Variants in LRP1B observed in about 807,000 individuals in gnomAD.
The protein encoded by LRP1B is low-density lipoprotein receptor-related protein 1B.
Under a neutral mutation model 556.6 loss-of-function variants are expected in LRP1B, and 217 were observed. That is an observed-to-expected ratio of 0.39 (90% CI 0.35 to 0.44). The LOEUF (loss-of-function observed/expected upper bound fraction) is 0.44, where lower values mean the gene tolerates loss of function less well. LRP1B is among the 20% of genes least tolerant of loss of function. LRP1B has a pLI of 1.00. For missense variants in LRP1B, 5,053 were observed against 5,620.8 expected, an observed-to-expected ratio of 0.90 and a Z score of 3.23; for synonymous variants, 2,047 against 1,865.8, an observed-to-expected ratio of 1.10 and a Z score of -2.50.
chr2:140,410,570 G>A (rs1684932369), intron 66 of LRP1B, among the ~76,000 whole-genome samples: 2 of 152,048 alleles, frequency 1.3e-5, no homozygotes, highest in South Asian at 4.1e-4. Flanking sequence ...CTATGCTTGA[G>A]CTGAATTTAA....
intron 72 of LRP1B, among the ~76,000 whole-genome samples, chr2:140,359,685 T>A (rs894389907): frequency 6.6e-6 from 1 of 151,640 alleles, no homozygotes; most frequent in Non-Finnish European, 1.5e-5. Flanking sequence ...TGCTTAGTTA[T>A]GTTTATTCAC....
At chr2:140,707,048 T>C (rs543531567) in intron 37 of LRP1B, among the ~76,000 whole-genome samples, 1 of 152,232 alleles carries the variant, frequency 6.6e-6, no homozygotes, top group East Asian at 1.9e-4. Flanking sequence ...ATGTGAACAG[T>C]TGTGAAAAGC....
intron 43 of LRP1B, among the ~76,000 whole-genome samples, chr2:140,587,906 A>C (rs1408117192): frequency 6.1e-5 from 9 of 147,358 alleles, no homozygotes; most frequent in Admixed American, 6.0e-4. Flanking sequence ...TCTCATCAGA[A>C]ATCACAGAGA....
intron 21 of LRP1B, among the ~76,000 whole-genome samples, chr2:140,917,768 AT>A (rs1395622729): frequency 6.6e-6 from 1 of 152,132 alleles, no homozygotes; most frequent in Non-Finnish European, 1.5e-5. Context: ...TGATGGATAC[AT>A]GTCATCATAT....
chr2:141,157,711 C>T (rs772865017), intron 7 of LRP1B, among the ~76,000 whole-genome samples: 2 of 152,054 alleles, frequency 1.3e-5, no homozygotes, highest in African/African-American at 4.8e-5. Context: ...AAAAAGTTTA[C>T]TATTCAATAG....
At chr2:140,690,936 C>T (rs1049687776) in intron 41 of LRP1B, among the ~76,000 whole-genome samples, 21 of 152,068 alleles carry the variant, frequency 1.4e-4, no homozygotes, top group Non-Finnish European at 1.0e-4. Flanking sequence ...CTAAAAGTAT[C>T]CTTTTCAGTT....
chr2:141,822,492 C>T (rs759976671), intron 1 of LRP1B, among the ~76,000 whole-genome samples: 9 of 152,228 alleles, frequency 5.9e-5, no homozygotes, highest in Non-Finnish European at 1.0e-4. Context: ...AAATCCTACA[C>T]GATCCTTCTC....
chr2:141,269,390 A>G (rs1278153983), intron 3 of LRP1B, among the ~76,000 whole-genome samples: 1 of 152,180 alleles, frequency 6.6e-6, no homozygotes, highest in Non-Finnish European at 1.5e-5. Flanking sequence ...GCAAAAAAGC[A>G]TTTTTTTAAA....
intron 1 of LRP1B, among the ~76,000 whole-genome samples, chr2:142,105,196 T>G (rs898919999): frequency 2.0e-5 from 3 of 152,184 alleles, no homozygotes; most frequent in Non-Finnish European, 4.4e-5. Flanking sequence ...TATCCCCAGA[T>G]GTCCTGCCAA....
intron 3 of LRP1B, among the ~76,000 whole-genome samples, chr2:141,445,816 C>T (rs987012144): frequency 1.3e-5 from 2 of 152,098 alleles, no homozygotes; most frequent in African/African-American, 4.8e-5. Context: ...TTCTCATTTG[C>T]TGAGGAGTAT....
chr2:142,042,530 G>A (rs1427231927), intron 1 of LRP1B, among the ~76,000 whole-genome samples: 1 of 151,416 alleles, frequency 6.6e-6, no homozygotes, highest in African/African-American at 2.4e-5. Context: ...TACTGTCCCA[G>A]GTAGTTCTGA....
rs955481045 is a variant in LRP1B at position 142,114,894 on chromosome 2, T to C, written c.82+15754A>G. Among the ~76,000 whole-genome samples, 15 of 152,252 alleles carry C rather than the reference T, an allele frequency of 9.9e-5. No individual in the cohort carries two copies. In the East Asian group the frequency reaches 2.9e-3, roughly 29 times the overall value. On this transcript the variant is annotated intron_variant, in intron 1 of 90. Transcript: ENST00000389484. ...ATTGTACATTTCAAAGTGAAAGATT[T>C]GGAATGTTGACAACAAAAAGAAATA...
intron 90 of LRP1B, among the ~76,000 whole-genome samples, chr2:140,233,536 A>C (rs915596260): frequency 6.6e-6 from 1 of 151,216 alleles, no homozygotes. Context: ...ATAATTTTAC[A>C]TTTTGCAAGT....
intron 3 of LRP1B, among the ~76,000 whole-genome samples, chr2:141,324,028 CCACACA>C (rs57105906): frequency 0.047 from 5,259 of 112,950 alleles, 164 homozygotes; most frequent in African/African-American, 0.07. Flanking sequence ...AACAAGGAAA[CCACACA>C]CACACACACA....
chr2:140,914,104 T>G (rs1694504596), intron 21 of LRP1B, among the ~76,000 whole-genome samples: 1 of 152,134 alleles, frequency 6.6e-6, no homozygotes, highest in South Asian at 2.1e-4. Context: ...TTCAGCAAAT[T>G]TGAACGACTG....
At chr2:140,926,700 A>G (rs1486157628) in intron 20 of LRP1B, among the ~76,000 whole-genome samples, 1 of 152,134 alleles carries the variant, frequency 6.6e-6, no homozygotes, top group African/African-American at 2.4e-5. Context: ...GATTGGGTCT[A>G]TATATTCGGG....
At chr2:141,274,720 T>C (rs1367825091) in intron 3 of LRP1B, among the ~76,000 whole-genome samples, 1 of 152,210 alleles carries the variant, frequency 6.6e-6, no homozygotes, top group Non-Finnish European at 1.5e-5. Flanking sequence ...AATACCATTA[T>C]AAAGCCATTA....
chr2:140,517,554 C>A (rs2104941394), intron 49 of LRP1B, among the ~76,000 whole-genome samples: 1 of 151,994 alleles, frequency 6.6e-6, no homozygotes. Flanking sequence ...ACGAGTTACA[C>A]TGGCAAATCT....
intron 20 of LRP1B, among the ~76,000 whole-genome samples, chr2:140,937,603 T>A (rs1695267551): frequency 6.6e-6 from 1 of 152,124 alleles, no homozygotes; most frequent in Non-Finnish European, 1.5e-5. Flanking sequence ...TGGTAAATTT[T>A]GTGCTATGAG....
Sources: gnomAD v4.1 joint callset for allele counts (sites outside exome capture counted in the v4.1 genomes callset) on GRCh38, gnomAD v4.1.1 for gene constraint, MANE v1.5 for transcripts, NCBI Gene and HGNC (gene_info 2026-07-23, HGNC 2026-07-21) for gene names.